Variants in RPRD1A observed in about 807,000 individuals in gnomAD.
The protein encoded by RPRD1A is regulation of nuclear pre-mRNA domain containing 1A, also known as regulation of nuclear pre-mRNA domain-containing protein 1A.
RPRD1A carries 9 observed loss-of-function variants against 37.8 expected under a neutral mutation model. The ratio of observed to expected loss-of-function variants is 0.24; its 90% CI spans 0.14 to 0.42. The LOEUF (loss-of-function observed/expected upper bound fraction) is 0.42. Among genes scored for constraint, RPRD1A ranks in the 10% least tolerant of loss-of-function variants. The probability of loss-of-function intolerance (pLI) is 1.00; values close to 1 mark genes in which losing one functional copy is unlikely to be tolerated. For missense variants in RPRD1A, 255 were observed against 371.0 expected, an observed-to-expected ratio of 0.69 and a Z score of 2.57; for synonymous variants, 138 against 139.7, an observed-to-expected ratio of 0.99 and a Z score of 0.08.
At chr18:36,018,458 A>G (rs1910758132) in intron 6 of RPRD1A, among the ~76,000 whole-genome samples, 1 of 152,090 alleles carries the variant, frequency 6.6e-6, no homozygotes, top group African/African-American at 2.4e-5. Flanking sequence ...TATTTTTAGT[A>G]GAGACGGGGT....
At chr18:36,020,879 A>G (rs1317193169) in intron 6 of RPRD1A, among the ~76,000 whole-genome samples, 1 of 152,192 alleles carries the variant, frequency 6.6e-6, no homozygotes, top group Non-Finnish European at 1.5e-5. Flanking sequence ...CATATATTAA[A>G]AGGAAAACAA....
At chr18:36,012,354 TTAC>T (rs1910228595) in intron 6 of RPRD1A, among the ~76,000 whole-genome samples, 1 of 152,226 alleles carries the variant, frequency 6.6e-6, no homozygotes, top group South Asian at 2.1e-4. Flanking sequence ...GTTTATGTAT[TTAC>T]TACACTTTTT....
At chr18:36,034,468 T>C (rs887431087) in intron 1 of RPRD1A, among the ~76,000 whole-genome samples, 7 of 152,188 alleles carry the variant, frequency 4.6e-5, no homozygotes, top group African/African-American at 1.7e-4. Flanking sequence ...TCTAAGGAAA[T>C]AGACAAGATT....
chr18:36,059,554 G>A (rs116038304), intron 1 of RPRD1A, among the ~76,000 whole-genome samples: 1,789 of 151,978 alleles, frequency 0.012, 43 homozygotes, highest in African/African-American at 0.04. Flanking sequence ...AGTAACTAGC[G>A]GTAGATATAA....
chr18:36,043,916 A>G (rs899189525), intron 1 of RPRD1A, among the ~76,000 whole-genome samples: 5 of 152,202 alleles, frequency 3.3e-5, no homozygotes, highest in African/African-American at 1.2e-4. Context: ...CTGACTCCCA[A>G]AAAACTTAAC....
At chr18:36,030,739 A>C (rs1004303510) in intron 4 of RPRD1A, 69 bp downstream of exon 4, 12 of 943,292 alleles carry the variant, frequency 1.3e-5, no homozygotes, top group Non-Finnish European at 2.0e-5. Context: ...AAGTGAAACG[A>C]AATTAATAAA....
intron 1 of RPRD1A, among the ~76,000 whole-genome samples, chr18:36,044,005 A>G (rs1912781954): frequency 6.6e-6 from 1 of 152,244 alleles, no homozygotes; most frequent in South Asian, 2.1e-4. Context: ...TAAACTATAT[A>G]CTGTATTCTG....
chr18:36,041,550 A>C (rs1912580506), intron 1 of RPRD1A, among the ~76,000 whole-genome samples: 1 of 152,228 alleles, frequency 6.6e-6, no homozygotes, highest in Non-Finnish European at 1.5e-5. Context: ...ACAAATTAAA[A>C]ACACACACTT....
At chr18:35,994,778 TACA>T (rs1286009432) in intron 6 of RPRD1A, among the ~76,000 whole-genome samples, 8 of 152,208 alleles carry the variant, frequency 5.3e-5, no homozygotes, top group Admixed American at 2.0e-4. Flanking sequence ...ATAAATAATC[TACA>T]ACGTTTCTCA....
At chr18:36,014,249 A>T (rs1428872622) in intron 6 of RPRD1A, among the ~76,000 whole-genome samples, 1 of 152,228 alleles carries the variant, frequency 6.6e-6, no homozygotes, top group Non-Finnish European at 1.5e-5. Context: ...CTACTCTCAA[A>T]ACAGTATGTT....
chr18:36,067,454 G>A lies in RPRD1A; in HGVS notation c.-50C>T, dbSNP rs377529468. 1.1e-5 allele frequency: 17 copies of A among 1,562,084 alleles called. No homozygotes were observed. The African/African-American group carries it at 2.0e-4, about 19-fold the overall frequency. ...TCCCACGCGGTGGGGCCGAGGGGAG[G>A]AGAGTTTCGCCGCCCTAGCTGCGGC... is the stretch of plus-strand genomic sequence containing the variant. On this transcript the variant is annotated 5_prime_UTR_variant, in exon 1 of 7. Coordinates refer to ENST00000399022, the MANE Select transcript of RPRD1A (RefSeq NM_018170.5).
chr18:36,049,541 T>C (rs991338977), intron 1 of RPRD1A, among the ~76,000 whole-genome samples: 2 of 152,182 alleles, frequency 1.3e-5, no homozygotes, highest in African/African-American at 4.8e-5. Context: ...ACTCTAGGTG[T>C]CTCATATAAG....
At chr18:35,996,977 CAAAAAAAA>C (rs200694089) in intron 6 of RPRD1A, among the ~76,000 whole-genome samples, 12 of 55,616 alleles carry the variant, frequency 2.2e-4, no homozygotes, top group East Asian at 1.2e-3. Flanking sequence ...GACCCTGTCT[CAAAAAAAA>C]AAAAAAAAAA....
chr18:36,055,837 C>T (rs988908940), intron 1 of RPRD1A, among the ~76,000 whole-genome samples: 1 of 152,010 alleles, frequency 6.6e-6, no homozygotes, highest in Non-Finnish European at 1.5e-5. Context: ...TATAACAGTG[C>T]AACATGAGTG....
chr18:36,030,967 A>G, intron 3 of RPRD1A, 24 bp downstream of exon 3: 2 of 1,595,552 alleles, frequency 1.3e-6, no homozygotes, highest in Non-Finnish European at 1.7e-6. Flanking sequence ...AGATCAAGGT[A>G]AGAGATCAGG....
At chr18:36,057,002 C>G (rs1300552206) in intron 1 of RPRD1A, among the ~76,000 whole-genome samples, 2 of 143,934 alleles carry the variant, frequency 1.4e-5, no homozygotes, top group East Asian at 2.0e-4. Flanking sequence ...ATCATCTGAG[C>G]CCAGGAGTTC....
At chr18:36,021,764 T>A (rs1176448143) in intron 6 of RPRD1A, among the ~76,000 whole-genome samples, 1 of 152,148 alleles carries the variant, frequency 6.6e-6, no homozygotes, top group East Asian at 1.9e-4. Context: ...TTTGGGAGGC[T>A]GAGGCAGGAG....
At chr18:36,008,577 G>GTGTGTATATGTA in intron 6 of RPRD1A, among the ~76,000 whole-genome samples, 3 of 47,800 alleles carry the variant, frequency 6.3e-5, no homozygotes, top group Admixed American at 2.8e-4. Context: ...CCTTGTGTGT[G>GTGTGTATATGTA]TATATATATA....
At chr18:36,028,399 A>C (rs901553800) in intron 4 of RPRD1A, among the ~76,000 whole-genome samples, 5 of 152,176 alleles carry the variant, frequency 3.3e-5, no homozygotes, top group African/African-American at 4.8e-5. Context: ...TCCCCTCTAC[A>C]ATTAAGGTGT....
Sources: allele counts gnomAD v4.1 joint callset (sites outside exome capture counted in the v4.1 genomes callset), GRCh38; gene constraint gnomAD v4.1.1; transcripts MANE v1.5; gene names NCBI Gene and HGNC (gene_info 2026-07-23, HGNC 2026-07-21).